Variants in TDRP observed in about 807,000 individuals in gnomAD.
TDRP encodes the protein testis development-related protein.
TDRP carries 12 observed loss-of-function variants against 10.5 expected under a neutral mutation model. That is an observed-to-expected ratio of 1.15 (90% CI 0.73 to 1.86). The LOEUF (loss-of-function observed/expected upper bound fraction) is 1.86. Ranked by LOEUF, TDRP falls within the 40% of genes most tolerant of loss-of-function variation. The probability of loss-of-function intolerance (pLI) is 0.00; values close to 1 mark genes in which losing one functional copy is unlikely to be tolerated. For missense variants in TDRP, 353 were observed against 229.2 expected (o/e 1.54, Z -3.49); for synonymous variants, 139 against 95.4 (o/e 1.46, Z -2.67).
intron 1 of TDRP, among the ~76,000 whole-genome samples, chr8:503,542 C>G (rs1801366283): frequency 6.8e-6 from 1 of 146,894 alleles, no homozygotes; most frequent in South Asian, 2.1e-4. Flanking sequence ...CACACTGGAA[C>G]CAATGCCCAC....
At chr8:501,022 C>A (rs541047328) in intron 1 of TDRP, among the ~76,000 whole-genome samples, 3 of 152,048 alleles carry the variant, frequency 2.0e-5, no homozygotes, top group East Asian at 2.0e-4. Flanking sequence ...CTGGCTAACA[C>A]GGTGAAACCC....
rs910310775 is a variant in TDRP, at chr8:494,419, A to G, written c.212+75T>C. On this transcript the variant is annotated intron_variant, in intron 2 of 2. Transcript: ENST00000324079. ...CAGTTACACTGCATTTATGCCATCA[A>G]ATCTTCATTTCCACCTCCTCAGTGA... is the stretch of plus-strand genomic sequence containing the variant. 14 of 1,454,346 alleles carry G rather than the reference A, an allele frequency of 9.6e-6. No individual in the cohort carries two copies. In the Middle Eastern group the frequency reaches 5.2e-4, roughly 54 times the overall value. 90.1% of individuals were successfully genotyped at this position (1,454,346 alleles called of 1,614,324 possible).
At chr8:537,479 G>C (rs111881552) in intron 1 of TDRP, among the ~76,000 whole-genome samples, 10 of 152,244 alleles carry the variant, frequency 6.6e-5, no homozygotes, top group African/African-American at 2.2e-4. Context: ...TCTTCTTTTA[G>C]TGTGTCTGTT....
intron 1 of TDRP, among the ~76,000 whole-genome samples, chr8:501,370 G>A (rs1584855454): frequency 6.6e-6 from 1 of 151,760 alleles, no homozygotes; most frequent in African/African-American, 2.4e-5. Context: ...TTTTTGAGAT[G>A]GAGTCTTTCT....
chr8:510,871 C>G (rs890749682), intron 1 of TDRP, among the ~76,000 whole-genome samples: 1 of 152,118 alleles, frequency 6.6e-6, no homozygotes, highest in Admixed American at 6.6e-5. Flanking sequence ...CAGAACTAGT[C>G]TGAAAAGCAA....
intron 1 of TDRP, among the ~76,000 whole-genome samples, chr8:524,532 G>C (rs1038341657): frequency 6.6e-6 from 1 of 152,156 alleles, no homozygotes; most frequent in East Asian, 1.9e-4. Context: ...CAAAATTCAA[G>C]ATGACACAGA....
chr8:498,950 C>T (rs375871991), intron 1 of TDRP, among the ~76,000 whole-genome samples: 10 of 152,196 alleles, frequency 6.6e-5, no homozygotes, highest in African/African-American at 1.4e-4. Flanking sequence ...CACCTCCTTA[C>T]GTAAGTTTCC....
Position 491,795 on chromosome 8 carries a change from T to A in TDRP, c.*604A>T, listed in dbSNP as rs1800984306. On this transcript the variant is annotated 3_prime_UTR_variant, in exon 3 of 3. Transcript: ENST00000324079. ...ACTATCCAGTGGACATACAAGAAGC[T>A]ATTCCTCCCTCAGCAAAAGATGAAC... is the stretch of plus-strand genomic sequence containing the variant. 3 of 1,264,072 alleles carry A rather than the reference T, an allele frequency of 2.4e-6. No individual in the cohort carries two copies. The highest frequency in any genetic ancestry group is 3.0e-6 in the Non-Finnish European group (3 of 1,007,166). The allele number at this position is 1,264,072 out of a possible 1,614,324, so 78.3% of individuals were successfully genotyped here. A position where few individuals can be genotyped will look rare whatever the true frequency, so the allele number is the denominator to read the frequency against.
At chr8:520,619 T>C (rs1801877556) in intron 1 of TDRP, among the ~76,000 whole-genome samples, 1 of 152,266 alleles carries the variant, frequency 6.6e-6, no homozygotes, top group South Asian at 2.1e-4. Context: ...TATTTTGCTT[T>C]TTTGATTGTA....
intron 2 of TDRP, among the ~76,000 whole-genome samples, chr8:493,691 A>G (rs1305711738): frequency 6.6e-6 from 1 of 152,400 alleles, no homozygotes; most frequent in East Asian, 1.9e-4. Context: ...TAGCAAGGTC[A>G]GTTTAAATGT....
chr8:519,152 A>G lies in TDRP; in HGVS notation c.109-24555T>C, dbSNP rs544327510. On this transcript the variant is annotated intron_variant, in intron 1 of 2. Transcript: ENST00000324079. The stretch of plus-strand genomic sequence containing the variant: ...GTCATGCCTAGGGAATGAAACCTCC[A>G]TTTAAAAAGCTAAATGACAGAGTTC... Among the ~76,000 whole-genome samples, 18 of 152,302 alleles carry G rather than the reference A, an allele frequency of 1.2e-4. 1 individual carries two copies. In the East Asian group the frequency reaches 3.5e-3, roughly 29 times the overall value.
At chr8:532,077 C>T (rs1802214546) in intron 1 of TDRP, among the ~76,000 whole-genome samples, 1 of 152,190 alleles carries the variant, frequency 6.6e-6, no homozygotes, top group Non-Finnish European at 1.5e-5. Context: ...TCAACAGTGT[C>T]AGAAATCCAG....
intron 1 of TDRP, among the ~76,000 whole-genome samples, chr8:521,392 G>A (rs531202031): frequency 9.9e-6 from 1 of 101,490 alleles, no homozygotes; most frequent in Non-Finnish European, 2.5e-5. Context: ...ACTCCAGCCT[G>A]GGCAAGAGAG....
chr8:542,772 A>T (rs905677482), intron 1 of TDRP, among the ~76,000 whole-genome samples: 2 of 150,318 alleles, frequency 1.3e-5, no homozygotes, highest in Non-Finnish European at 3.0e-5. Context: ...CTGAGGCAGG[A>T]GAATCACTTG....
intron 1 of TDRP, among the ~76,000 whole-genome samples, chr8:543,225 T>C (rs78843912): frequency 2.6e-5 from 4 of 151,888 alleles, no homozygotes; most frequent in Non-Finnish European, 4.4e-5. Flanking sequence ...GAGAGGAGAA[T>C]AGCTTGAGCC....
chr8:528,311 G>GA (rs1305539843), intron 1 of TDRP, among the ~76,000 whole-genome samples: 1 of 152,184 alleles, frequency 6.6e-6, no homozygotes, highest in African/African-American at 2.4e-5. Context: ...CTATTGGTGG[G>GA]AATGTAAAAT....
chr8:532,190 G>A (rs113541014), intron 1 of TDRP, among the ~76,000 whole-genome samples: 16,368 of 152,184 alleles, frequency 0.11, 1,033 homozygotes, highest in African/African-American at 0.17. Flanking sequence ...GGAAACAGAG[G>A]CAGCAGGACA....
chr8:491,773 A>C lies in TDRP; in HGVS notation c.*626T>G. On this transcript the variant is annotated 3_prime_UTR_variant, in exon 3 of 3. Coordinates refer to ENST00000324079, the MANE Select transcript of TDRP (RefSeq NM_001384899.1). The stretch of plus-strand genomic sequence containing the variant: ...ATTCCAAAAAAGAACCACTGTTACT[A>C]TCCAGTGGACATACAAGAAGCTATT... 2 of 1,355,474 alleles carry C rather than the reference A, an allele frequency of 1.5e-6. No homozygotes were observed. The highest frequency in any genetic ancestry group is 3.5e-5 in the Admixed American group (1 of 28,572). 84.0% of individuals were successfully genotyped at this position (1,355,474 alleles called of 1,614,324 possible). A position where few individuals can be genotyped will look rare whatever the true frequency, so the allele number is the denominator to read the frequency against.
At chr8:542,115 T>C (rs540407212) in intron 1 of TDRP, among the ~76,000 whole-genome samples, 51 of 152,268 alleles carry the variant, frequency 3.3e-4, no homozygotes, top group Non-Finnish European at 6.9e-4. Context: ...TGAAAAGAAA[T>C]GCAGGAACCT....
Sources: gnomAD v4.1 joint callset for allele counts (sites outside exome capture counted in the v4.1 genomes callset) on GRCh38, gnomAD v4.1.1 for gene constraint, MANE v1.5 for transcripts, NCBI Gene and HGNC (gene_info 2026-07-23, HGNC 2026-07-21) for gene names.